FOXK1: variants seen among roughly 807,000 people sequenced by gnomAD.
FOXK1 encodes forkhead box K1.
In FOXK1, 19 loss-of-function variants were observed where a neutral mutation model predicts 51.9. That is an observed-to-expected ratio of 0.37 (90% CI 0.26 to 0.54). FOXK1 has a LOEUF of 0.54. Ranked by LOEUF, FOXK1 falls within the 20% of genes least tolerant of loss-of-function variation. The pLI is 0.87. For missense variants in FOXK1, 870 were observed against 1,032.7 expected (o/e 0.84, Z 2.16); for synonymous variants, 537 against 482.6 (o/e 1.11, Z -1.48).
Position 4,753,615 on chromosome 7 carries a change from C to T in FOXK1, c.747-844C>T, listed in dbSNP as rs142963371. Among the ~76,000 whole-genome samples the T allele has an allele frequency of 1.3e-5, 2 of 152,312 alleles. No homozygotes were observed. The highest frequency in any genetic ancestry group is 1.9e-4 in the East Asian group (1 of 5,180). On this transcript the variant is annotated intron_variant, in intron 2 of 8. Transcript: ENST00000328914. The surrounding 1 kb of genome is among the most constrained non-coding windows in gnomAD (Gnocchi z 4.9). ...TCTCTTTCTCTCGGGAGGTTCTGCA[C>T]CCACTCTTCGTGTCTTCATTGGCTT...
intron 1 of FOXK1, among the ~76,000 whole-genome samples, chr7:4,690,911 A>C (rs952406906): frequency 6.6e-6 from 1 of 152,208 alleles, no homozygotes; most frequent in South Asian, 2.1e-4. Flanking sequence ...CCCTACATTT[A>C]AAGCATTTCA....
intron 2 of FOXK1, among the ~76,000 whole-genome samples, chr7:4,750,956 G>A (rs185560568): frequency 2.0e-5 from 3 of 151,470 alleles, no homozygotes; most frequent in Admixed American, 6.6e-5. Context: ...TGCCCACCTC[G>A]GCCCCCTCAA....
At chr7:4,732,593 C>T (rs934654642) in intron 1 of FOXK1, among the ~76,000 whole-genome samples, 7 of 152,174 alleles carry the variant, frequency 4.6e-5, no homozygotes, top group African/African-American at 1.7e-4. Context: ...CGTGGGATTA[C>T]GGGCATGAGC....
In FOXK1 at chr7:4,755,173, G is replaced by T; in HGVS notation, c.904-64G>T. The T allele has an allele frequency of 1.3e-6, 2 of 1,581,032 alleles. No individual in the cohort carries two copies. The highest frequency in any genetic ancestry group is 2.3e-5 in the East Asian group (1 of 44,340). On this transcript the variant is annotated intron_variant, in intron 3 of 8. Transcript: ENST00000328914. The surrounding 1 kb of genome is among the most constrained non-coding windows in gnomAD (Gnocchi z 6.6). The stretch of plus-strand genomic sequence containing the variant: ...AAGGTTCCTCCCCATCAGCTGTGAC[G>T]GGTGGGTGGGGTAGACTCAGGGACC...
intron 1 of FOXK1, among the ~76,000 whole-genome samples, chr7:4,712,109 T>G (rs1780182638): frequency 6.6e-6 from 1 of 152,012 alleles, no homozygotes. Context: ...TTGTGACAGC[T>G]TATTTGCCTT....
rs7786572 is a variant in FOXK1 at position 4,740,274 on chromosome 7, T to G, written c.561-564T>G. Among the ~76,000 whole-genome samples the G allele has an allele frequency of 2.9e-4, 44 of 151,464 alleles. 1 individual carries two copies. Among genetic ancestry groups the G allele is most frequent in the Non-Finnish European group, 5.6e-4 (38 of 67,870 alleles). On this transcript the variant is annotated intron_variant, in intron 1 of 8. Coordinates refer to ENST00000328914, the MANE Select transcript of FOXK1 (RefSeq NM_001037165.2). ...TGAAACCCCGTCTCTACTAAAAATA[T>G]AAAAAATTAGCCGGGCGTGGTGGCG...
Position 4,683,822 on chromosome 7 carries a change from G to A in FOXK1, c.560+954G>A, listed in dbSNP as rs1434420211. 6.6e-6 allele frequency among the ~76,000 whole-genome samples: 1 copy of A among 152,216 alleles called. No individual in the cohort carries two copies. The highest frequency in any genetic ancestry group is 1.5e-5 in the Non-Finnish European group (1 of 68,026). ...AGGACAGTGGGAGGGTGTTGCTCCG[G>A]GAAGTGCGAGGTCCCTAGGAGTGTG... On this transcript the variant is annotated intron_variant, in intron 1 of 8. Coordinates refer to ENST00000328914, the MANE Select transcript of FOXK1 (RefSeq NM_001037165.2). This position sits in a 1 kb window ranked among gnomAD's most constrained non-coding sequence, Gnocchi z 4.5.
chr7:4,752,897 A>G (rs1780797835), intron 2 of FOXK1, among the ~76,000 whole-genome samples: 1 of 152,226 alleles, frequency 6.6e-6, no homozygotes, highest in Non-Finnish European at 1.5e-5. Context: ...GTGTGCTGTT[A>G]CCAGTCAAAA....
rs796097778 is a variant in FOXK1, at chr7:4,737,463, TGTGTGTGTGTGC to T, written c.561-3371_561-3360del. On this transcript the variant is annotated intron_variant, in intron 1 of 8. Transcript: ENST00000328914. ...GCGTGTGTGTGCGTGCACGTGTGCA[TGTGTGTGTGTGC>T]GTGGGTGTGGGCGTGTGCGTGGGTG... 3.7e-3 allele frequency among the ~76,000 whole-genome samples: 563 copies of T among 150,870 alleles called. 4 individuals carry two copies. Among genetic ancestry groups the T allele is most frequent in the African/African-American group, 0.013 (529 of 40,554 alleles).
intron 1 of FOXK1, among the ~76,000 whole-genome samples, chr7:4,718,918 T>A (rs556672647): frequency 1.3e-5 from 2 of 152,258 alleles, no homozygotes; most frequent in East Asian, 3.9e-4. Flanking sequence ...CAAGCGATTC[T>A]CCTGCCCCAG....
chr7:4,737,808 A>T (rs7807827), intron 1 of FOXK1, among the ~76,000 whole-genome samples: 10,048 of 152,198 alleles, frequency 0.066, 436 homozygotes, highest in African/African-American at 0.1. Context: ...GCCCTTGGGT[A>T]TCATAGAGCA....
chr7:4,733,826 G>A lies in FOXK1; in HGVS notation c.561-7012G>A, dbSNP rs1473062587. On this transcript the variant is annotated intron_variant, in intron 1 of 8. Transcript: ENST00000328914. The surrounding 1 kb of genome is among the most constrained non-coding windows in gnomAD (Gnocchi z 5.0). ...CCCGAAGCTGCAGGCTGGGTGGGAC[G>A]GTGGGAGCCTTTCCCTGGTCTTTAG... is the stretch of plus-strand genomic sequence containing the variant. Among the ~76,000 whole-genome samples the A allele has an allele frequency of 3.9e-5, 6 of 152,216 alleles. No homozygotes were observed. The East Asian group carries it at 9.6e-4, about 24-fold the overall frequency.
intron 1 of FOXK1, 38 bp from the exon 2 acceptor site, chr7:4,740,797 TCTC>T: frequency 6.4e-7 from 1 of 1,562,634 alleles, no homozygotes; most frequent in South Asian, 1.2e-5. Context: ...TCTTCTTGAG[TCTC>T]CTCCTGCACC....
chr7:4,757,555 C>A (rs754107980), intron 5 of FOXK1, among the ~76,000 whole-genome samples: 1 of 134,088 alleles, frequency 7.5e-6, no homozygotes, highest in Non-Finnish European at 1.5e-5. Flanking sequence ...GCTTGAATCT[C>A]GGAGGCAGAA....
At chr7:4,746,517 A>T (rs768998856) in intron 2 of FOXK1, among the ~76,000 whole-genome samples, 2 of 150,608 alleles carry the variant, frequency 1.3e-5, no homozygotes, top group South Asian at 4.2e-4. Flanking sequence ...CCCATCTCTA[A>T]AAAAAAAAAT....
chr7:4,754,463 C>T lies in FOXK1; in HGVS notation c.751C>T (p.Pro251Ser). The T allele has an allele frequency of 6.2e-7, 1 of 1,612,874 alleles. No homozygotes were observed. The highest frequency in any genetic ancestry group is 8.5e-7 in the Non-Finnish European group (1 of 1,179,944). ...AGTGTCCTTCTCTCTCCTCAGTGTC[C>T]CCAACTCCTGCCCAGCCAGTCCACG... The part of the protein sequence containing the change: ...VPSPTGTISV[P>S]NSCPASPRGA... Residue 251 changes from proline to serine, a missense_variant, in exon 3 of 9, where the codon CCC becomes TCC. Pro to Ser is a moderately conservative substitution (Grantham distance 74). Coordinates refer to ENST00000328914, the MANE Select transcript of FOXK1 (RefSeq NM_001037165.2).
At position 4,753,321 on chromosome 7, in the gene FOXK1, T is replaced by G. The variant is rs1780802727; in HGVS notation, c.747-1138T>G. On this transcript the variant is annotated intron_variant, in intron 2 of 8. Transcript: ENST00000328914. This position sits in a 1 kb window ranked among gnomAD's most constrained non-coding sequence, Gnocchi z 4.9. ...AACCTAAGTTTTGGAGATCTAGGAG[T>G]CTTGTGCCTGGACAGTTAGGGAAGG... Among the ~76,000 whole-genome samples, 2 of 151,832 alleles carry G rather than the reference T, an allele frequency of 1.3e-5. No homozygotes were observed. Among genetic ancestry groups the G allele is most frequent in the African/African-American group, 4.8e-5 (2 of 41,338 alleles).
In FOXK1 at chr7:4,757,171, G is replaced by A. The variant is rs749834444; in HGVS notation, c.1228G>A (p.Gly410Arg). 12 of 1,608,688 alleles carry A rather than the reference G, an allele frequency of 7.5e-6. No individual in the cohort carries two copies. The highest frequency in any genetic ancestry group is 2.2e-5 in the South Asian group (2 of 90,736). ...TGTCTCCTGCTTCCGCACCCCCTTC[G>A]GGCCTCTGTCCTCAAGGTAAAGTTC... Reference protein sequence around the residue: ...RGVSCFRTPFGPLSSRSAPAS... With the variant: ...RGVSCFRTPFRPLSSRSAPAS... The change falls in exon 5 of 9, where the codon GGG becomes AGG. Residue 410 changes from glycine to arginine, a missense_variant. Gly to Arg is a moderately radical substitution (Grantham distance 125, BLOSUM62 -2). Coordinates refer to ENST00000328914, the MANE Select transcript of FOXK1 (RefSeq NM_001037165.2).
Position 4,758,800 on chromosome 7 carries a change from C to T in FOXK1, c.1245-251C>T, listed in dbSNP as rs1030832306. On this transcript the variant is annotated intron_variant, in intron 5 of 8. Transcript: ENST00000328914. The surrounding 1 kb of genome is among the most constrained non-coding windows in gnomAD (Gnocchi z 4.4). ...AGTGAACTCCGTAGGTTGTTGCGTT[C>T]ACTGCAGCACCTCACATGATACCGT... 1.0e-5 allele frequency: 5 copies of T among 498,386 alleles called. No individual in the cohort carries two copies. The highest frequency in any genetic ancestry group is 9.1e-5 in the South Asian group (3 of 32,796). The allele number at this position is 498,386 out of a possible 1,614,324, so 30.9% of individuals were successfully genotyped here. A position where few individuals can be genotyped will look rare whatever the true frequency, so the allele number is the denominator to read the frequency against.
Sources: gnomAD v4.1 joint callset for allele counts (sites outside exome capture counted in the v4.1 genomes callset) on GRCh38, gnomAD v4.1.1 for gene constraint, Gnocchi (gnomAD v3.1) non-coding constraint, MANE v1.5 for transcripts, NCBI Gene and HGNC (gene_info 2026-07-23, HGNC 2026-07-21) for gene names.